Variants in THSD4 observed in about 807,000 individuals in gnomAD.
THSD4 encodes thrombospondin type-1 domain-containing protein 4.
A neutral mutation model predicts 119.0 loss-of-function variants in THSD4; 69 were observed. The ratio of observed to expected loss-of-function variants is 0.58; its 90% CI spans 0.48 to 0.71. The LOEUF is 0.71. Among genes scored for constraint, THSD4 ranks in the 30% least tolerant of loss-of-function variants. The pLI, the probability that THSD4 is intolerant of heterozygous loss-of-function variation, is 0.00. For synonymous variants in THSD4, 524 were observed against 540.4 expected (o/e 0.97, Z 0.42); for missense variants, 1,393 against 1,391.1 (o/e 1.00, Z -0.02).
chr15:71,130,556 C>T (rs1410682942), intron 1 of THSD4, among the ~76,000 whole-genome samples: 3 of 152,098 alleles, frequency 2.0e-5, no homozygotes, highest in Admixed American at 1.3e-4. Flanking sequence ...GCATTCAAAT[C>T]GTGCTGCTGC....
chr15:71,459,523 T>G (rs1404442195), intron 7 of THSD4, among the ~76,000 whole-genome samples: 4 of 152,196 alleles, frequency 2.6e-5, no homozygotes, highest in Non-Finnish European at 1.5e-5. Flanking sequence ...GAATGAAATA[T>G]TTCTTCTGCA....
intron 7 of THSD4, among the ~76,000 whole-genome samples, chr15:71,656,988 C>T (rs1480620062): frequency 1.3e-5 from 2 of 152,176 alleles, no homozygotes; most frequent in East Asian, 1.9e-4. Context: ...AATCCCTTCA[C>T]GCCATCCCCA....
At chr15:71,304,736 G>A (rs2140341685) in intron 6 of THSD4, among the ~76,000 whole-genome samples, 1 of 152,274 alleles carries the variant, frequency 6.6e-6, no homozygotes, top group East Asian at 1.9e-4. Context: ...CCAAGTAAGA[G>A]ATTCCTTCCA....
upstream of THSD4, chr15:71,112,271 C>T (rs752378643): frequency 9.7e-6 from 15 of 1,544,598 alleles, no homozygotes; most frequent in South Asian, 2.5e-5. Context: ...TATAGGATGT[C>T]GTATGCATCA....
At position 71,375,199 on chromosome 15, in the gene THSD4, A is replaced by G. The variant is rs749069361; in HGVS notation, c.1016-36488A>G. Among the ~76,000 whole-genome samples, 8 of 152,340 alleles carry G rather than the reference A, an allele frequency of 5.3e-5. No homozygotes were observed. In the South Asian group the frequency reaches 1.7e-3, roughly 32 times the overall value. ...TACACTAAAGATGATCTTTTCATCC[A>G]AGTATGTTACAGTTTACATGGAGAG... is the stretch of plus-strand genomic sequence containing the variant. On this transcript the variant is annotated intron_variant, in intron 6 of 17. Transcript: ENST00000261862.
chr15:71,679,355 G>A (rs572423007), intron 8 of THSD4, among the ~76,000 whole-genome samples: 2 of 152,308 alleles, frequency 1.3e-5, no homozygotes, highest in Non-Finnish European at 2.9e-5. Context: ...GGCTTTGCAG[G>A]CCATTTGGCC....
At chr15:71,745,354 A>G in intron 12 of THSD4, 119 bp downstream of exon 12, 1 of 1,337,070 alleles carries the variant, frequency 7.5e-7, no homozygotes, top group East Asian at 2.5e-5. Context: ...CAAGACTTGG[A>G]CCATGCATAA....
intron 4 of THSD4, among the ~76,000 whole-genome samples, chr15:71,230,779 G>A (rs921821544): frequency 5.9e-5 from 9 of 152,182 alleles, no homozygotes; most frequent in Admixed American, 1.3e-4. Context: ...TCTTTGCTCT[G>A]AGCTATCTAA....
intron 7 of THSD4, among the ~76,000 whole-genome samples, chr15:71,608,888 C>T (rs546257114): frequency 1.3e-5 from 2 of 152,306 alleles, no homozygotes; most frequent in East Asian, 1.9e-4. Context: ...TGGATGATTT[C>T]ACACGCCCCA....
intron 8 of THSD4, among the ~76,000 whole-genome samples, chr15:71,684,576 T>G (rs1184951641): frequency 6.6e-6 from 1 of 152,090 alleles, no homozygotes; most frequent in Admixed American, 6.5e-5. Context: ...CTTACGTTAT[T>G]TTTTCTTTAA....
chr15:71,660,116 C>T (rs1259509730), intron 7 of THSD4, among the ~76,000 whole-genome samples: 1 of 152,108 alleles, frequency 6.6e-6, no homozygotes, highest in Non-Finnish European at 1.5e-5. Context: ...CTAAGAGTAG[C>T]ATCTATAAGA....
At chr15:71,166,422 C>T (rs1332927363) in intron 3 of THSD4, among the ~76,000 whole-genome samples, 2 of 152,188 alleles carry the variant, frequency 1.3e-5, no homozygotes, top group African/African-American at 2.4e-5. Flanking sequence ...TGTTCTGGGG[C>T]AATGCAGCCA....
intron 7 of THSD4, among the ~76,000 whole-genome samples, chr15:71,607,676 G>T (rs983570955): frequency 6.6e-6 from 1 of 152,192 alleles, no homozygotes; most frequent in Non-Finnish European, 1.5e-5. Flanking sequence ...GGCTTAATGA[G>T]GCGTGGGTAT....
chr15:71,624,481 G>A (rs2050473224), intron 7 of THSD4, among the ~76,000 whole-genome samples: 1 of 152,184 alleles, frequency 6.6e-6, no homozygotes, highest in Non-Finnish European at 1.5e-5. Context: ...CAATAAATCT[G>A]CCAGTATATT....
intron 5 of THSD4, among the ~76,000 whole-genome samples, chr15:71,244,715 GA>G (rs2044184461): frequency 6.6e-6 from 1 of 152,198 alleles, no homozygotes. Flanking sequence ...GGGATGGTAG[GA>G]AAGTGCTTTG....
chr15:71,413,537 T>C (rs1382108059), intron 7 of THSD4, among the ~76,000 whole-genome samples: 1 of 152,224 alleles, frequency 6.6e-6, no homozygotes, highest in African/African-American at 2.4e-5. Context: ...CTCCCACATG[T>C]GAGTGAAAAC....
chr15:71,458,896 T>C (rs979845481), intron 7 of THSD4, among the ~76,000 whole-genome samples: 3 of 152,158 alleles, frequency 2.0e-5, no homozygotes, highest in Admixed American at 2.0e-4. Context: ...TATTTACCCT[T>C]TAAAAACCTT....
At chr15:71,165,106 G>A in intron 3 of THSD4, 4 of 1,611,456 alleles carry the variant, frequency 2.5e-6, no homozygotes, top group East Asian at 4.5e-5. Flanking sequence ...CAGAGCAGAA[G>A]AGGAAGAAGG....
chr15:71,200,972 T>C (rs138500865), intron 3 of THSD4, among the ~76,000 whole-genome samples: 1 of 152,206 alleles, frequency 6.6e-6, no homozygotes, highest in Non-Finnish European at 1.5e-5. Flanking sequence ...TGTGCTCACT[T>C]ATAATCATTC....
Sources: gnomAD v4.1 joint callset for allele counts (sites outside exome capture counted in the v4.1 genomes callset) on GRCh38, gnomAD v4.1.1 for gene constraint, MANE v1.5 for transcripts, NCBI Gene and HGNC (gene_info 2026-07-23, HGNC 2026-07-21) for gene names.